The following EXOC4 variants were observed in gnomAD, a reference collection of about 807,000 sequenced individuals.
EXOC4 encodes the protein exocyst complex component 4.
In EXOC4, 71 loss-of-function variants were observed where a neutral mutation model predicts 107.2. That is an observed-to-expected ratio of 0.66 (90% CI 0.55 to 0.81). The LOEUF is 0.81. EXOC4 is among the 30% of genes least tolerant of loss of function. The pLI is 0.00. For missense variants in EXOC4, 1,108 were observed against 1,189.6 expected (o/e 0.93, Z 1.01); for synonymous variants, 456 against 441.2 (o/e 1.03, Z -0.42).
chr7:133,480,187 T>C (rs917088538), intron 9 of EXOC4, 49 bp downstream of exon 9: 1 of 1,600,706 alleles, frequency 6.2e-7, no homozygotes, highest in Non-Finnish European at 8.5e-7. Context: ...GAGGAGTATT[T>C]CCTTTATTAC....
chr7:133,759,194 A>G lies in EXOC4; in HGVS notation c.1515-58131A>G, dbSNP rs73152916. Among the ~76,000 whole-genome samples the G allele has an allele frequency of 4.9e-3, 731 of 150,158 alleles. 5 individuals carry two copies. Among genetic ancestry groups the G allele is most frequent in the Middle Eastern group, 0.01 (3 of 290 alleles). ...GATGGTATCTCACTTTGTTGCCCAG[A>G]CTGGTCTTGAACTACTGGCTTCAAG... On this transcript the variant is annotated intron_variant, in intron 10 of 17. Coordinates refer to ENST00000253861, the MANE Select transcript of EXOC4 (RefSeq NM_021807.4).
At chr7:133,627,781 A>T (rs1005238898) in intron 9 of EXOC4, among the ~76,000 whole-genome samples, 3 of 152,172 alleles carry the variant, frequency 2.0e-5, no homozygotes, top group South Asian at 2.1e-4. Context: ...GATTTTTTTT[A>T]AATGAGAAAA....
intron 5 of EXOC4, among the ~76,000 whole-genome samples, chr7:133,325,802 A>G (rs1235026035): frequency 1.3e-5 from 2 of 152,100 alleles, no homozygotes; most frequent in Non-Finnish European, 2.9e-5. Context: ...TTTCCTGCAG[A>G]GTGTTTTCCA....
chr7:133,717,447 C>A (rs768916880), intron 10 of EXOC4, among the ~76,000 whole-genome samples: 1 of 152,202 alleles, frequency 6.6e-6, no homozygotes, highest in Non-Finnish European at 1.5e-5. Flanking sequence ...TTGCCGCCCC[C>A]CAACCCGTGA....
intron 6 of EXOC4, among the ~76,000 whole-genome samples, chr7:133,364,581 C>G (rs1216396153): frequency 6.6e-6 from 1 of 152,150 alleles, no homozygotes; most frequent in Non-Finnish European, 1.5e-5. Context: ...ATGCAAATTT[C>G]CCCAAGAAGC....
chr7:134,005,181 A>T, intron 16 of EXOC4, 91 bp downstream of exon 16: 1 of 1,326,752 alleles, frequency 7.5e-7, no homozygotes, highest in Middle Eastern at 2.8e-4. Context: ...CAAGACTTGT[A>T]GAAAAGAGTT....
chr7:133,413,365 A>C (rs1300334228), intron 7 of EXOC4, among the ~76,000 whole-genome samples: 1 of 152,150 alleles, frequency 6.6e-6, no homozygotes, highest in Non-Finnish European at 1.5e-5. Context: ...AACTGTATTT[A>C]ATAGTCAGGT....
intron 7 of EXOC4, among the ~76,000 whole-genome samples, chr7:133,472,957 A>C (rs569847229): frequency 3.3e-5 from 5 of 152,366 alleles, no homozygotes; most frequent in Non-Finnish European, 7.3e-5. Flanking sequence ...ATTCTAGAAC[A>C]GCAAGTGCCT....
chr7:133,583,121 GT>G (rs1019047321), intron 9 of EXOC4, among the ~76,000 whole-genome samples: 4 of 151,754 alleles, frequency 2.6e-5, no homozygotes, highest in Admixed American at 1.3e-4. Context: ...TTTAGAGTGT[GT>G]TTTTTTTCTT....
chr7:133,924,187 C>T lies in EXOC4; in HGVS notation c.2027+6449C>T, dbSNP rs191356072. Reference sequence around the variant, plus strand: ...GGTGAACATGTCCCCACTCGTTCTCCGTAAGCATACTCATCTAACTACAGC... The same window carrying T: ...GGTGAACATGTCCCCACTCGTTCTCTGTAAGCATACTCATCTAACTACAGC... On this transcript the variant is annotated intron_variant, in intron 13 of 17. Coordinates refer to ENST00000253861, the MANE Select transcript of EXOC4 (RefSeq NM_021807.4). Among the ~76,000 whole-genome samples, 229 of 152,280 alleles carry T rather than the reference C, an allele frequency of 1.5e-3. 3 individuals carry two copies. The highest frequency in any genetic ancestry group is 0.011 in the Admixed American group (174 of 15,302).
chr7:133,351,496 C>G lies in EXOC4; in HGVS notation c.764-4834C>G, dbSNP rs145247197. On this transcript the variant is annotated intron_variant, in intron 5 of 17. Transcript: ENST00000253861. ...TGGTGTTGTACGATTATTCACAGTA[C>G]TCTGTTTAATTTATTTCTCTAGAAT... is the stretch of plus-strand genomic sequence containing the variant. Among the ~76,000 whole-genome samples the G allele has an allele frequency of 3.9e-5, 6 of 151,958 alleles. No homozygotes were observed. The East Asian group carries it at 1.2e-3, about 29-fold the overall frequency.
At chr7:133,713,145 A>G (rs552933246) in intron 10 of EXOC4, among the ~76,000 whole-genome samples, 4 of 152,356 alleles carry the variant, frequency 2.6e-5, no homozygotes, top group African/African-American at 9.6e-5. Context: ...TGAGGAAAAA[A>G]AATAGCTAAG....
rs531091006 is a variant in EXOC4, at chr7:134,015,099, A to C, written c.2687+7264A>C. ...GTTCAAGGAAGGAGGTGGTGAAAGA[A>C]GAGACCTGAGTCATCATCAGGCCTG... On this transcript the variant is annotated intron_variant, in intron 17 of 17. Transcript: ENST00000253861. Among the ~76,000 whole-genome samples, 20 of 152,312 alleles carry C rather than the reference A, an allele frequency of 1.3e-4. 1 individual carries two copies. In the South Asian group the frequency reaches 3.9e-3, roughly 30 times the overall value.
At chr7:133,567,690 A>G (rs1331945359) in intron 9 of EXOC4, among the ~76,000 whole-genome samples, 2 of 152,184 alleles carry the variant, frequency 1.3e-5, no homozygotes, top group Admixed American at 1.3e-4. Flanking sequence ...ATGCTTCTAG[A>G]GACTGGAAAG....
intron 17 of EXOC4, among the ~76,000 whole-genome samples, chr7:134,036,840 C>T (rs1186940673): frequency 6.6e-6 from 1 of 152,180 alleles, no homozygotes; most frequent in Non-Finnish European, 1.5e-5. Flanking sequence ...CTAGTAGCTG[C>T]TTAGCCCCCA....
intron 9 of EXOC4, among the ~76,000 whole-genome samples, chr7:133,492,858 A>ATT (rs200605199): frequency 2.0e-5 from 3 of 149,604 alleles, no homozygotes; most frequent in Admixed American, 6.7e-5. Context: ...AAGGTAAGTG[A>ATT]TTTTTTTTTT....
At chr7:133,738,864 C>G (rs1050138945) in intron 10 of EXOC4, among the ~76,000 whole-genome samples, 1 of 152,068 alleles carries the variant, frequency 6.6e-6, no homozygotes, top group Non-Finnish European at 1.5e-5. Context: ...GTTATCAGCA[C>G]CTGAAATGAA....
intron 5 of EXOC4, among the ~76,000 whole-genome samples, chr7:133,324,681 A>G (rs149010574): frequency 0.15 from 22,833 of 152,154 alleles, 2,031 homozygotes; most frequent in Middle Eastern, 0.21. Context: ...AAGAATGCAT[A>G]TTCTGTTGAT....
At chr7:133,273,916 T>G (rs1279600613) in intron 1 of EXOC4, among the ~76,000 whole-genome samples, 1 of 152,060 alleles carries the variant, frequency 6.6e-6, no homozygotes, top group Admixed American at 6.5e-5. Flanking sequence ...ATGTATAAGC[T>G]GACAAATCTG....
Sources: gnomAD v4.1 joint callset for allele counts (sites outside exome capture counted in the v4.1 genomes callset) on GRCh38, gnomAD v4.1.1 for gene constraint, MANE v1.5 for transcripts, NCBI Gene and HGNC (gene_info 2026-07-23, HGNC 2026-07-21) for gene names.